Variants in TMEM200A observed in about 807,000 individuals in gnomAD.
TMEM200A encodes the protein two transmembrane C.
In TMEM200A, 12 loss-of-function variants were observed where a neutral mutation model predicts 24.3. The observed-to-expected ratio is 0.49, with a 90% confidence interval of 0.32 to 0.80. TMEM200A has a LOEUF of 0.80. Among genes scored for constraint, TMEM200A ranks in the 30% least tolerant of loss-of-function variants. The pLI, the probability that TMEM200A is intolerant of heterozygous loss-of-function variation, is 0.04. For synonymous variants in TMEM200A, 224 were observed against 224.4 expected, an observed-to-expected ratio of 1.00 and a Z score of 0.02; for missense variants, 545 against 614.4, an observed-to-expected ratio of 0.89 and a Z score of 1.19.
At chr6:130,367,131 GT>G (rs1277364733) in intron 1 of TMEM200A, among the ~76,000 whole-genome samples, 5 of 152,168 alleles carry the variant, frequency 3.3e-5, no homozygotes, top group Non-Finnish European at 7.3e-5. Context: ...AAAAATGTGT[GT>G]GTGTTTGTGT....
chr6:130,374,268 C>T (rs1008587121), intron 1 of TMEM200A, among the ~76,000 whole-genome samples: 1 of 152,124 alleles, frequency 6.6e-6, no homozygotes, highest in Admixed American at 6.6e-5. Context: ...AGTGTTCTAA[C>T]TGCACTTTTC....
rs1778149604 is a variant in TMEM200A at position 130,366,489 on chromosome 6, G to A, written c.-116G>A. 6.1e-6 allele frequency: 6 copies of A among 985,886 alleles called. No homozygotes were observed. Among genetic ancestry groups the A allele is most frequent in the Non-Finnish European group, 6.0e-6 (5 of 830,278 alleles). The allele number at this position is 985,886 out of a possible 1,614,324, so 61.1% of individuals were successfully genotyped here. A position where few individuals can be genotyped will look rare whatever the true frequency, so the allele number is the denominator to read the frequency against. ...GAGACCAGGACTGAGAACAGGGAGAGGCGACCCGACCCCCAGGGCCCGGTG... is the reference window on the plus strand; with the variant it reads ...GAGACCAGGACTGAGAACAGGGAGAAGCGACCCGACCCCCAGGGCCCGGTG... On this transcript the variant is annotated 5_prime_UTR_variant, in exon 1 of 3. Transcript: ENST00000296978. This position sits in a 1 kb window ranked among gnomAD's most constrained non-coding sequence, Gnocchi z 4.4.
intron 2 of TMEM200A, among the ~76,000 whole-genome samples, chr6:130,386,648 A>G (rs543331018): frequency 5.3e-4 from 81 of 152,334 alleles, no homozygotes; most frequent in African/African-American, 1.7e-3. Flanking sequence ...AAAGGAAACC[A>G]TAGATCTTTA....
At chr6:130,395,704 G>T (rs2115118909) in intron 2 of TMEM200A, among the ~76,000 whole-genome samples, 1 of 152,296 alleles carries the variant, frequency 6.6e-6, no homozygotes, top group African/African-American at 2.4e-5. Flanking sequence ...GGTTTTATTT[G>T]TTAATGACAG....
At chr6:130,398,672 C>T (rs1779008783) in intron 2 of TMEM200A, among the ~76,000 whole-genome samples, 1 of 151,904 alleles carries the variant, frequency 6.6e-6, no homozygotes, top group Admixed American at 6.6e-5. Context: ...TTAGTAATGG[C>T]CATTCTGACT....
chr6:130,394,633 T>C (rs1778908233), intron 2 of TMEM200A, among the ~76,000 whole-genome samples: 1 of 152,228 alleles, frequency 6.6e-6, no homozygotes, highest in South Asian at 2.1e-4. Flanking sequence ...GAACCCTTGC[T>C]AATTTATTTT....
At chr6:130,399,518 C>T (rs551120370) in intron 2 of TMEM200A, among the ~76,000 whole-genome samples, 2 of 151,876 alleles carry the variant, frequency 1.3e-5, no homozygotes, top group African/African-American at 4.8e-5. Context: ...ATCTGTAGCT[C>T]AATCCAGCCA....
At chr6:130,426,263 C>A (rs1158833855) in intron 2 of TMEM200A, among the ~76,000 whole-genome samples, 3 of 152,092 alleles carry the variant, frequency 2.0e-5, no homozygotes, top group African/African-American at 7.2e-5. Flanking sequence ...TGAAACAGAC[C>A]CTCGCCCACT....
At chr6:130,412,375 G>GA (rs1276682945) in intron 2 of TMEM200A, among the ~76,000 whole-genome samples, 1 of 152,058 alleles carries the variant, frequency 6.6e-6, no homozygotes, top group African/African-American at 2.4e-5. Context: ...TGTCAGTGCT[G>GA]ATTCCCTGCG....
intron 2 of TMEM200A, among the ~76,000 whole-genome samples, chr6:130,417,085 G>A (rs1779473097): frequency 6.6e-6 from 1 of 152,116 alleles, no homozygotes; most frequent in Non-Finnish European, 1.5e-5. Context: ...CATATCATAT[G>A]TATAATTGTT....
chr6:130,388,197 G>A (rs981366541), intron 2 of TMEM200A, among the ~76,000 whole-genome samples: 3 of 152,190 alleles, frequency 2.0e-5, no homozygotes, highest in Admixed American at 6.5e-5. Context: ...AAGCAATAAG[G>A]CTTGATTAAG....
intron 1 of TMEM200A, among the ~76,000 whole-genome samples, chr6:130,375,729 T>G (rs1051881216): frequency 6.6e-6 from 1 of 152,174 alleles, no homozygotes; most frequent in African/African-American, 2.4e-5. Context: ...GGTTTTATAC[T>G]CAGTGCACTG....
chr6:130,402,892 T>G (rs186420437), intron 2 of TMEM200A, among the ~76,000 whole-genome samples: 1 of 152,276 alleles, frequency 6.6e-6, no homozygotes, highest in African/African-American at 2.4e-5. Context: ...ATTGTAAAAA[T>G]GTAGCCTCTT....
intron 2 of TMEM200A, among the ~76,000 whole-genome samples, chr6:130,408,169 C>T (rs868613557): frequency 1.2e-4 from 19 of 152,234 alleles, no homozygotes; most frequent in Admixed American, 2.0e-4. Context: ...GTTATGAAAC[C>T]TGATGGATTG....
At chr6:130,388,122 A>G (rs1778753172) in intron 2 of TMEM200A, among the ~76,000 whole-genome samples, 1 of 152,164 alleles carries the variant, frequency 6.6e-6, no homozygotes, top group Admixed American at 6.5e-5. Context: ...GATCCCTTGG[A>G]GATTCCTGCA....
intron 2 of TMEM200A, among the ~76,000 whole-genome samples, chr6:130,399,294 A>C (rs1779027913): frequency 6.6e-6 from 1 of 152,028 alleles, no homozygotes; most frequent in African/African-American, 2.4e-5. Flanking sequence ...TATTTCTTCA[A>C]CCTGCTAATT....
chr6:130,434,139 C>A (rs1779944200), intron 2 of TMEM200A, among the ~76,000 whole-genome samples: 1 of 152,192 alleles, frequency 6.6e-6, no homozygotes, highest in East Asian at 1.9e-4. Flanking sequence ...AACATTTCAA[C>A]CATACTCAAA....
In TMEM200A at chr6:130,371,790, G is replaced by T. The variant is rs575351841; in HGVS notation, c.-81+5266G>T. Among the ~76,000 whole-genome samples, 9 of 152,298 alleles carry T rather than the reference G, an allele frequency of 5.9e-5. No homozygotes were observed. In the South Asian group the frequency reaches 1.9e-3, roughly 32 times the overall value. The stretch of plus-strand genomic sequence containing the variant: ...TCAATAGAACAACTGGAGTTTGATT[G>T]TTGACCTGAGAACAGGAACTCTACC... On this transcript the variant is annotated intron_variant, in intron 1 of 2. Coordinates refer to ENST00000296978, the MANE Select transcript of TMEM200A (RefSeq NM_001258277.2).
chr6:130,371,847 GTAAGTTGA>G (rs2115067080), intron 1 of TMEM200A, among the ~76,000 whole-genome samples: 1 of 152,286 alleles, frequency 6.6e-6, no homozygotes, highest in Non-Finnish European at 1.5e-5. Context: ...CCTTCCTGGT[GTAAGTTGA>G]TAAGAATATG....
Sources: allele counts gnomAD v4.1 joint callset (sites outside exome capture counted in the v4.1 genomes callset), GRCh38; gene constraint gnomAD v4.1.1; non-coding constraint Gnocchi (gnomAD v3.1); transcripts MANE v1.5; gene names NCBI Gene and HGNC (gene_info 2026-07-23, HGNC 2026-07-21).